ITPKB: variants seen among roughly 807,000 people sequenced by gnomAD.
ITPKB encodes the protein inositol-trisphosphate 3-kinase B, also known as IP3 3-kinase B.
In ITPKB, 13 loss-of-function variants were observed where a neutral mutation model predicts 69.4. The ratio of observed to expected loss-of-function variants is 0.19; its 90% CI spans 0.12 to 0.30. ITPKB has a LOEUF of 0.30. ITPKB is among the 10% of genes least tolerant of loss of function. The pLI, the probability that ITPKB is intolerant of heterozygous loss-of-function variation, is 1.00. For missense variants in ITPKB, 1,240 were observed against 1,250.5 expected (o/e 0.99, Z 0.13); for synonymous variants, 584 against 513.7 (o/e 1.14, Z -1.85).
At chr1:226,723,062 G>A (rs553600029) in intron 2 of ITPKB, among the ~76,000 whole-genome samples, 4 of 152,072 alleles carry the variant, frequency 2.6e-5, no homozygotes, top group Non-Finnish European at 5.9e-5. Flanking sequence ...ACGCCAGTCC[G>A]TGCTGCTCAG....
intron 2 of ITPKB, among the ~76,000 whole-genome samples, chr1:226,729,260 T>C (rs1657515777): frequency 6.6e-6 from 1 of 151,614 alleles, no homozygotes; most frequent in Admixed American, 6.6e-5. Flanking sequence ...GAGATGGGAG[T>C]ATCACAAGAT....
In ITPKB at chr1:226,634,932, G is replaced by A. The variant is rs776718762; in HGVS notation, c.2626-46C>T. On this transcript the variant is annotated intron_variant, in intron 7 of 7. Coordinates refer to ENST00000429204, the MANE Select transcript of ITPKB (RefSeq NM_002221.4). This position sits in a 1 kb window ranked among gnomAD's most constrained non-coding sequence, Gnocchi z 6.3. ...AAGGGTGAGCTGAAGCCCGGGCCTC[G>A]CCCTCCCCACTGCGGCCCGGGGCCT... The A allele has an allele frequency of 1.7e-5, 25 of 1,498,370 alleles. No individual in the cohort carries two copies. Among genetic ancestry groups the A allele is most frequent in the East Asian group, 4.6e-5 (2 of 43,216 alleles). The allele number at this position is 1,498,370 out of a possible 1,614,324, so 92.8% of individuals were successfully genotyped here.
At chr1:226,650,328 C>T (rs1283048934) in intron 2 of ITPKB, among the ~76,000 whole-genome samples, 1 of 152,238 alleles carries the variant, frequency 6.6e-6, no homozygotes, top group Non-Finnish European at 1.5e-5. Flanking sequence ...CAGAAACTCT[C>T]ACCCCACCGC....
intron 2 of ITPKB, among the ~76,000 whole-genome samples, chr1:226,731,579 A>G (rs1657590393): frequency 6.6e-6 from 1 of 152,216 alleles, no homozygotes; most frequent in Admixed American, 6.5e-5. Flanking sequence ...TGACCCCATG[A>G]GATCATTCCC....
intron 2 of ITPKB, among the ~76,000 whole-genome samples, chr1:226,707,033 A>G (rs920815767): frequency 6.6e-6 from 1 of 152,228 alleles, no homozygotes; most frequent in Non-Finnish European, 1.5e-5. Flanking sequence ...GGGTGGTTGC[A>G]TAAGAAAAAT....
At position 226,647,491 on chromosome 1, in the gene ITPKB, A is replaced by G. The variant is rs1669084750; in HGVS notation, c.2033-111T>C. On this transcript the variant is annotated intron_variant, in intron 3 of 7. Coordinates refer to ENST00000429204, the MANE Select transcript of ITPKB (RefSeq NM_002221.4). Reference sequence around the variant, plus strand: ...CTGGGGATGGCTAAGCCTGGGGCTGAAGGTGTGTCTATGTCCCTGCTATGG... The same window carrying G: ...CTGGGGATGGCTAAGCCTGGGGCTGGAGGTGTGTCTATGTCCCTGCTATGG... 4 of 756,298 alleles carry G rather than the reference A, an allele frequency of 5.3e-6. No homozygotes were observed. The South Asian group carries it at 6.6e-5, about 12-fold the overall frequency. The allele number at this position is 756,298 out of a possible 1,614,324, so 46.8% of individuals were successfully genotyped here.
intron 2 of ITPKB, among the ~76,000 whole-genome samples, chr1:226,691,539 G>A (rs562181286): frequency 5.9e-5 from 9 of 152,248 alleles, no homozygotes; most frequent in Middle Eastern, 3.4e-3. Context: ...ATGAGCAGCC[G>A]CATCCCCTCC....
rs905406965 is a variant in ITPKB, at chr1:226,651,150, T to A, written c.1933-2379A>T. Among the ~76,000 whole-genome samples the A allele has an allele frequency of 2.6e-5, 4 of 151,926 alleles. No homozygotes were observed. The East Asian group carries it at 5.8e-4, about 22-fold the overall frequency. On this transcript the variant is annotated intron_variant, in intron 2 of 7. Coordinates refer to ENST00000429204, the MANE Select transcript of ITPKB (RefSeq NM_002221.4). ...GACTCAGTGGAGAGAAAGAGAAGAC[T>A]ACAGCTGGCAGCGGGAGTGTGGGGA...
At chr1:226,680,835 C>G (rs936205277) in intron 2 of ITPKB, among the ~76,000 whole-genome samples, 2 of 152,206 alleles carry the variant, frequency 1.3e-5, no homozygotes, top group East Asian at 1.9e-4. Flanking sequence ...TACCCTGTCC[C>G]TGGGACAAAC....
At chr1:226,697,058 T>C (rs1384039604) in intron 2 of ITPKB, among the ~76,000 whole-genome samples, 2 of 152,188 alleles carry the variant, frequency 1.3e-5, no homozygotes, top group African/African-American at 4.8e-5. Flanking sequence ...AACAAATGGA[T>C]TCATGTTAAT....
chr1:226,711,230 C>T (rs1326690630), intron 2 of ITPKB, among the ~76,000 whole-genome samples: 1 of 152,114 alleles, frequency 6.6e-6, no homozygotes, highest in Non-Finnish European at 1.5e-5. Context: ...ACACCATGTC[C>T]AAGCTGACAG....
chr1:226,643,849 G>A (rs577103563), intron 4 of ITPKB, among the ~76,000 whole-genome samples: 22 of 152,242 alleles, frequency 1.4e-4, no homozygotes, highest in Middle Eastern at 3.4e-3. Context: ...ACATAAACGC[G>A]GACTCCTGTG....
At chr1:226,707,992 G>T (rs770022254) in intron 2 of ITPKB, 239 of 879,048 alleles carry the variant, frequency 2.7e-4, no homozygotes, top group Non-Finnish European at 3.6e-4. Flanking sequence ...ACAAAATATG[G>T]AAACTACCCA....
intron 7 of ITPKB, among the ~76,000 whole-genome samples, chr1:226,635,339 G>C (rs1668811767): frequency 6.6e-6 from 1 of 152,100 alleles, no homozygotes; most frequent in Non-Finnish European, 1.5e-5. Context: ...TCCCACCACA[G>C]CCTCCCGAGT....
At chr1:226,713,967 A>G (rs1266923778) in intron 2 of ITPKB, among the ~76,000 whole-genome samples, 1 of 152,136 alleles carries the variant, frequency 6.6e-6, no homozygotes, top group African/African-American at 2.4e-5. Context: ...GATAATTGAT[A>G]TTTTTTAAAA....
chr1:226,727,275 A>C (rs1490009842), intron 2 of ITPKB, among the ~76,000 whole-genome samples: 1 of 152,258 alleles, frequency 6.6e-6, no homozygotes, highest in Non-Finnish European at 1.5e-5. Flanking sequence ...GATCCTGCTG[A>C]ATTACACAGT....
At chr1:226,689,375 G>C (rs1242523636) in intron 2 of ITPKB, among the ~76,000 whole-genome samples, 1 of 152,208 alleles carries the variant, frequency 6.6e-6, no homozygotes, top group African/African-American at 2.4e-5. Context: ...GTTTCCCAGA[G>C]AGTGTCCAGG....
At chr1:226,640,990 T>C (rs1008856403) in intron 5 of ITPKB, among the ~76,000 whole-genome samples, 1 of 152,122 alleles carries the variant, frequency 6.6e-6, no homozygotes, top group Admixed American at 6.5e-5. Context: ...CTGGAGATGA[T>C]GCAGACCATG....
In ITPKB at chr1:226,647,288, T is replaced by G; in HGVS notation, c.2125A>C (p.Arg709=). 6.2e-7 allele frequency: 1 copy of G among 1,614,172 alleles called. No homozygotes were observed. The highest frequency in any genetic ancestry group is 8.5e-7 in the Non-Finnish European group (1 of 1,180,002). The stretch of plus-strand genomic sequence containing the variant: ...CCATGGTAGGCAGGTACGAAGGGCC[T>G]CAGCACATCCACCATCAGCCGGTCC... ...CLDRLMVDVL[R]PFVPAYHGDV... is the part of the protein sequence containing the mutation. Residue 709 remains arginine, a synonymous_variant, in exon 4 of 8, where the codon AGG becomes CGG. Coordinates refer to ENST00000429204, the MANE Select transcript of ITPKB (RefSeq NM_002221.4).
Sources: allele counts gnomAD v4.1 joint callset (sites outside exome capture counted in the v4.1 genomes callset), GRCh38; gene constraint gnomAD v4.1.1; non-coding constraint Gnocchi (gnomAD v3.1); transcripts MANE v1.5; gene names NCBI Gene and HGNC (gene_info 2026-07-23, HGNC 2026-07-21).